The following PDE4D variants were observed in gnomAD, a reference collection of about 807,000 sequenced individuals.
PDE4D encodes the protein 3',5'-cyclic-AMP phosphodiesterase 4D.
Under a neutral mutation model 87.4 loss-of-function variants are expected in PDE4D, and 24 were observed. That is an observed-to-expected ratio of 0.27 (90% confidence interval 0.20 to 0.39). The LOEUF is 0.39. Among genes scored for constraint, PDE4D ranks in the 10% least tolerant of loss-of-function variants. The pLI, the probability that PDE4D is intolerant of heterozygous loss-of-function variation, is 1.00. For synonymous variants in PDE4D, 384 were observed against 383.2 expected, an observed-to-expected ratio of 1.00 and a Z score of -0.02; for missense variants, 714 against 1,041.0, an observed-to-expected ratio of 0.69 and a Z score of 4.32.
chr5:60,383,420 C>T (rs1583587646), intron 1 of PDE4D, among the ~76,000 whole-genome samples: 1 of 152,146 alleles, frequency 6.6e-6, no homozygotes, highest in South Asian at 2.1e-4. Context: ...AAATGCCTTC[C>T]ATTTCTCCTT....
chr5:59,267,820 C>T (rs62358004), intron 1 of PDE4D, among the ~76,000 whole-genome samples: 132 of 152,160 alleles, frequency 8.7e-4, no homozygotes, highest in Non-Finnish European at 1.7e-3. Flanking sequence ...CATTCTACAC[C>T]TAGTTTCTAG....
intron 2 of PDE4D, among the ~76,000 whole-genome samples, chr5:60,040,262 T>C (rs1300362585): frequency 6.6e-6 from 1 of 152,220 alleles, no homozygotes; most frequent in Non-Finnish European, 1.5e-5. Flanking sequence ...ACTAGTGTGC[T>C]GCTGTGTAGA....
chr5:59,644,851 A>G (rs769872728), intron 1 of PDE4D, among the ~76,000 whole-genome samples: 1 of 152,190 alleles, frequency 6.6e-6, no homozygotes, highest in East Asian at 1.9e-4. Context: ...AGACAATGCC[A>G]TTGGTTCTTT....
chr5:59,564,679 G>T (rs545368990), intron 1 of PDE4D, among the ~76,000 whole-genome samples: 9 of 152,216 alleles, frequency 5.9e-5, no homozygotes, highest in Middle Eastern at 3.4e-3. Context: ...CACCTGTAAG[G>T]TTCCAAGTAG....
At chr5:59,952,915 G>T (rs1352589058) in intron 3 of PDE4D, among the ~76,000 whole-genome samples, 1 of 152,078 alleles carries the variant, frequency 6.6e-6, no homozygotes, top group Admixed American at 6.6e-5. Flanking sequence ...ACCCTACCTT[G>T]TTCAATTTCT....
chr5:59,436,889 C>T (rs1796871126), intron 1 of PDE4D, among the ~76,000 whole-genome samples: 1 of 152,090 alleles, frequency 6.6e-6, no homozygotes, highest in African/African-American at 2.4e-5. Flanking sequence ...GAGAAAACCA[C>T]ATGGACGGAT....
chr5:59,888,053 T>C (rs1349367610), intron 1 of PDE4D, among the ~76,000 whole-genome samples: 1 of 152,244 alleles, frequency 6.6e-6, no homozygotes, highest in Non-Finnish European at 1.5e-5. Flanking sequence ...TCTTCAAATG[T>C]AAAAGATGGA....
intron 1 of PDE4D, among the ~76,000 whole-genome samples, chr5:59,793,560 G>A (rs1766066552): frequency 1.3e-5 from 2 of 152,208 alleles, no homozygotes; most frequent in Non-Finnish European, 2.9e-5. Context: ...TAGGTCAGTT[G>A]CCAAAACAGT....
intron 6 of PDE4D, among the ~76,000 whole-genome samples, chr5:59,025,172 G>A (rs1367965215): frequency 6.6e-6 from 1 of 151,958 alleles, no homozygotes; most frequent in Non-Finnish European, 1.5e-5. Context: ...TATATTTAAA[G>A]CACTCATGAA....
intron 1 of PDE4D, among the ~76,000 whole-genome samples, chr5:60,305,072 A>AC (rs1754368439): frequency 7.1e-6 from 1 of 140,152 alleles, no homozygotes; most frequent in Non-Finnish European, 1.5e-5. Flanking sequence ...CACACACACA[A>AC]CACACAACAG....
chr5:60,262,496 T>C (rs1749752227), intron 1 of PDE4D: 1 of 152,158 alleles, frequency 6.6e-6, no homozygotes, highest in Non-Finnish European at 1.5e-5. Flanking sequence ...ACTTATTCAG[T>C]GGTAACTATT....
chr5:60,247,857 G>A (rs1747975871), intron 1 of PDE4D, among the ~76,000 whole-genome samples: 1 of 151,914 alleles, frequency 6.6e-6, no homozygotes, highest in Admixed American at 6.6e-5. Flanking sequence ...AATACAACTT[G>A]TCTAAGTTCC....
chr5:60,003,275 T>G (rs1188702845), intron 2 of PDE4D, among the ~76,000 whole-genome samples: 1 of 152,216 alleles, frequency 6.6e-6, no homozygotes, highest in African/African-American at 2.4e-5. Context: ...AAAGATTTCA[T>G]ATTGTTAAAA....
At chr5:59,787,001 G>T (rs1030172014) in intron 1 of PDE4D, among the ~76,000 whole-genome samples, 4 of 152,072 alleles carry the variant, frequency 2.6e-5, no homozygotes, top group Admixed American at 6.5e-5. Flanking sequence ...ACATGAATTG[G>T]TCTCATCTCA....
intron 1 of PDE4D, among the ~76,000 whole-genome samples, chr5:60,514,734 A>G (rs867090716): frequency 2.6e-5 from 4 of 152,032 alleles, no homozygotes; most frequent in African/African-American, 9.7e-5. Context: ...CCACAAAAAA[A>G]ATAACTCAAT....
intron 2 of PDE4D, among the ~76,000 whole-genome samples, chr5:59,205,159 G>A (rs1748456107): frequency 6.6e-6 from 1 of 152,090 alleles, no homozygotes; most frequent in East Asian, 1.9e-4. Flanking sequence ...AATGCTCAGT[G>A]GTCCTTGTCA....
chr5:59,819,722 G>A (rs1769413960), intron 1 of PDE4D, among the ~76,000 whole-genome samples: 1 of 152,166 alleles, frequency 6.6e-6, no homozygotes, highest in South Asian at 2.1e-4. Context: ...TTGAAAATGA[G>A]GTCCTTTAGC....
chr5:59,053,902 T>C (rs1443823065), intron 5 of PDE4D, among the ~76,000 whole-genome samples: 1 of 151,830 alleles, frequency 6.6e-6, no homozygotes, highest in East Asian at 1.9e-4. Flanking sequence ...AGGGACAGAG[T>C]GAGATTCTGT....
chr5:60,444,182 T>G (rs1745458337), intron 1 of PDE4D, among the ~76,000 whole-genome samples: 1 of 152,174 alleles, frequency 6.6e-6, no homozygotes, highest in African/African-American at 2.4e-5. Flanking sequence ...TATTTCAAAG[T>G]TGACATTATG....
Sources: gnomAD v4.1 joint callset for allele counts (sites outside exome capture counted in the v4.1 genomes callset) on GRCh38, gnomAD v4.1.1 for gene constraint, MANE v1.5 for transcripts, NCBI Gene and HGNC (gene_info 2026-07-23, HGNC 2026-07-21) for gene names.